Variants in CSTPP1 observed in about 807,000 individuals in gnomAD.
The protein encoded by CSTPP1 is centriolar satellite-associated tubulin polyglutamylase complex regulator 1.
At chr11:47,078,439 A>G in the CSTPP1 span, among the ~76,000 whole-genome samples, 2 of 152,194 alleles carry the variant, frequency 1.3e-5, no homozygotes, top group African/African-American at 4.8e-5. Flanking sequence ...TAGTGAGTTG[A>G]GTCTATGAAA....
the CSTPP1 span, among the ~76,000 whole-genome samples, chr11:47,130,266 AAAC>A: frequency 6.6e-6 from 1 of 151,926 alleles, no homozygotes; most frequent in South Asian, 2.1e-4. Context: ...AAAAAAAAAA[AAAC>A]CAAAAAAAAA....
At chr11:47,139,752 G>A in the CSTPP1 span, among the ~76,000 whole-genome samples, 4 of 152,082 alleles carry the variant, frequency 2.6e-5, no homozygotes, top group Admixed American at 2.6e-4. Flanking sequence ...TCACTGAAGT[G>A]GGAACTGAGG....
chr11:47,157,238 C>T, the CSTPP1 span: 5 of 1,532,650 alleles, frequency 3.3e-6, no homozygotes, highest in Non-Finnish European at 4.4e-6. Context: ...GGGCATGCAG[C>T]CCCCAGCCCC....
chr11:47,158,467 C>T, the CSTPP1 span, among the ~76,000 whole-genome samples: 2 of 152,116 alleles, frequency 1.3e-5, no homozygotes, highest in Admixed American at 1.3e-4. Flanking sequence ...CACTGTTCCT[C>T]CTCCCACAGC....
the CSTPP1 span, among the ~76,000 whole-genome samples, chr11:47,004,917 A>C: frequency 6.6e-6 from 1 of 152,238 alleles, no homozygotes; most frequent in Non-Finnish European, 1.5e-5. Flanking sequence ...GAATGTATTG[A>C]GAAACCACAG....
the CSTPP1 span, among the ~76,000 whole-genome samples, chr11:46,989,985 T>C: frequency 6.6e-6 from 1 of 152,182 alleles, no homozygotes; most frequent in Non-Finnish European, 1.5e-5. Context: ...TTTCATTCTT[T>C]TTTATGGCTG....
At chr11:47,015,215 G>A in the CSTPP1 span, among the ~76,000 whole-genome samples, 6 of 151,996 alleles carry the variant, frequency 3.9e-5, no homozygotes, top group African/African-American at 9.7e-5. Context: ...GGTGGCTCAC[G>A]CCTATAATCC....
chr11:47,117,839 T>C, the CSTPP1 span, among the ~76,000 whole-genome samples: 300 of 152,012 alleles, frequency 2.0e-3, no homozygotes, highest in African/African-American at 7.0e-3. Flanking sequence ...CTTTTTAGTC[T>C]TTTTTCTCTA....
At chr11:47,149,613 C>T in the CSTPP1 span, among the ~76,000 whole-genome samples, 1 of 152,172 alleles carries the variant, frequency 6.6e-6, no homozygotes, top group African/African-American at 2.4e-5. Flanking sequence ...TGCAGATGCC[C>T]ACAGCCAGAA....
the CSTPP1 span, among the ~76,000 whole-genome samples, chr11:47,146,237 C>T: frequency 2.0e-5 from 3 of 151,798 alleles, no homozygotes; most frequent in South Asian, 2.1e-4. Flanking sequence ...TGGTGGCGGG[C>T]GCCTGTAATT....
the CSTPP1 span, among the ~76,000 whole-genome samples, chr11:47,049,702 C>T: frequency 1.3e-5 from 2 of 151,602 alleles, no homozygotes; most frequent in African/African-American, 4.8e-5. Context: ...ACCATATTGC[C>T]CAGGCTGGAC....
chr11:46,978,308 C>T, the CSTPP1 span, among the ~76,000 whole-genome samples: 1 of 152,120 alleles, frequency 6.6e-6, no homozygotes, highest in Non-Finnish European at 1.5e-5. Context: ...AAGGGAAGAT[C>T]ACTTCTGGCT....
At chr11:47,065,733 T>C in the CSTPP1 span, among the ~76,000 whole-genome samples, 1 of 151,938 alleles carries the variant, frequency 6.6e-6, no homozygotes, top group East Asian at 1.9e-4. Context: ...TATAAAAATA[T>C]AATTGATTAT....
chr11:47,164,194 G>A, the CSTPP1 span: 3 of 1,614,028 alleles, frequency 1.9e-6, no homozygotes, highest in Non-Finnish European at 2.5e-6. Context: ...GCCCTGGAGA[G>A]AGTGTCCTCA....
At chr11:47,123,962 A>G in the CSTPP1 span, among the ~76,000 whole-genome samples, 11 of 152,144 alleles carry the variant, frequency 7.2e-5, no homozygotes, top group African/African-American at 2.6e-4. Context: ...AAAAACAAAC[A>G]AACAAATTAT....
At chr11:47,013,211 TTA>T in the CSTPP1 span, among the ~76,000 whole-genome samples, 5 of 148,778 alleles carry the variant, frequency 3.4e-5, no homozygotes, top group African/African-American at 4.9e-5. Flanking sequence ...ATATAAATGG[TTA>T]TATATATATA....
the CSTPP1 span, among the ~76,000 whole-genome samples, chr11:47,059,871 G>A: frequency 5.9e-5 from 9 of 152,094 alleles, no homozygotes; most frequent in Non-Finnish European, 8.8e-5. Flanking sequence ...TTGAGAGCCC[G>A]AGGCAGGTGG....
chr11:47,094,473 C>CCA, the CSTPP1 span, among the ~76,000 whole-genome samples: 199 of 143,694 alleles, frequency 1.4e-3, no homozygotes, highest in African/African-American at 2.7e-3. Flanking sequence ...ATCATTCTTA[C>CCA]CACACACAGA....
At chr11:47,157,242 C>T in the CSTPP1 span, 16 of 1,534,488 alleles carry the variant, frequency 1.0e-5, no homozygotes, top group Non-Finnish European at 1.4e-5. Flanking sequence ...ATGCAGCCCC[C>T]AGCCCCCCAG....
Sources: allele counts gnomAD v4.1 joint callset (sites outside exome capture counted in the v4.1 genomes callset), GRCh38; gene constraint gnomAD v4.1.1; transcripts MANE v1.5; gene names NCBI Gene and HGNC (gene_info 2026-07-23, HGNC 2026-07-21).